Variants in HNF4G observed in about 807,000 individuals in gnomAD.
The protein encoded by HNF4G is hepatocyte nuclear factor 4-gamma.
Under a neutral mutation model 50.9 loss-of-function variants are expected in HNF4G, and 21 were observed. The observed-to-expected ratio is 0.41, with a 90% CI of 0.29 to 0.59. The LOEUF (loss-of-function observed/expected upper bound fraction) is 0.59. HNF4G is among the 20% of genes least tolerant of loss of function. The pLI is 0.26. For synonymous variants in HNF4G, 198 were observed against 185.6 expected (o/e 1.07, Z -0.54); for missense variants, 527 against 559.4 (o/e 0.94, Z 0.58).
chr8:75,467,673 A>G (rs1812018209), intron 1 of HNF4G, among the ~76,000 whole-genome samples: 1 of 151,962 alleles, frequency 6.6e-6, no homozygotes, highest in African/African-American at 2.4e-5. Context: ...AAAAAAAAAA[A>G]AAGGAATTTT....
intron 2 of HNF4G, among the ~76,000 whole-genome samples, chr8:75,518,881 C>T (rs934271477): frequency 6.6e-6 from 1 of 152,194 alleles, no homozygotes; most frequent in African/African-American, 2.4e-5. Context: ...ATTTCTGCAG[C>T]CGGCTTGAAT....
chr8:75,475,512 G>T (rs1812221814), intron 1 of HNF4G, among the ~76,000 whole-genome samples: 1 of 152,162 alleles, frequency 6.6e-6, no homozygotes, highest in Non-Finnish European at 1.5e-5. Flanking sequence ...TTATATTTAT[G>T]TATGTGTGTG....
At chr8:75,427,426 A>G (rs1011564159) in intron 1 of HNF4G, among the ~76,000 whole-genome samples, 3 of 151,938 alleles carry the variant, frequency 2.0e-5, no homozygotes, top group Non-Finnish European at 4.4e-5. Flanking sequence ...AAAAATACAA[A>G]AATTAGCCTA....
At chr8:75,465,055 G>C (rs576377094) in intron 1 of HNF4G, among the ~76,000 whole-genome samples, 1 of 152,270 alleles carries the variant, frequency 6.6e-6, no homozygotes, top group East Asian at 1.9e-4. Flanking sequence ...AGAGGGAGTA[G>C]TCATCTTGTT....
chr8:75,534,193 G>C (rs1376642550), intron 2 of HNF4G, among the ~76,000 whole-genome samples: 3 of 151,870 alleles, frequency 2.0e-5, no homozygotes, highest in Non-Finnish European at 4.4e-5. Context: ...TAGCAACAAT[G>C]ATAATACCCA....
chr8:75,477,683 C>A (rs1024826583), intron 1 of HNF4G, among the ~76,000 whole-genome samples: 2 of 151,858 alleles, frequency 1.3e-5, no homozygotes, highest in Non-Finnish European at 2.9e-5. Flanking sequence ...TTAAAAAGTT[C>A]TCTGCCGGGC....
chr8:75,506,421 CTCATTTTAT>C (rs1441776666), intron 2 of HNF4G, among the ~76,000 whole-genome samples: 1 of 151,872 alleles, frequency 6.6e-6, no homozygotes, highest in Non-Finnish European at 1.5e-5. Flanking sequence ...GAACTCTTCC[CTCATTTTAT>C]CCTTTTGAAT....
At chr8:75,457,979 A>G (rs2130598026) in intron 1 of HNF4G, among the ~76,000 whole-genome samples, 1 of 152,084 alleles carries the variant, frequency 6.6e-6, no homozygotes, top group East Asian at 1.9e-4. Flanking sequence ...TTTTATATAT[A>G]TTTAATTTTT....
At chr8:75,431,454 G>T (rs964332662) in intron 1 of HNF4G, among the ~76,000 whole-genome samples, 1 of 152,072 alleles carries the variant, frequency 6.6e-6, no homozygotes, top group African/African-American at 2.4e-5. Context: ...AGCAGAAAAA[G>T]ATAATATAGA....
intron 5 of HNF4G, among the ~76,000 whole-genome samples, chr8:75,553,637 T>C (rs1375718714): frequency 1.3e-5 from 2 of 152,036 alleles, no homozygotes; most frequent in African/African-American, 2.4e-5. Flanking sequence ...ACCACACAGG[T>C]TGTGGTGTTG....
intron 3 of HNF4G, among the ~76,000 whole-genome samples, chr8:75,550,312 T>TC (rs1806911812): frequency 2.0e-5 from 3 of 151,436 alleles, no homozygotes; most frequent in South Asian, 2.1e-4. Context: ...CTCTCTCTCT[T>TC]TTTTTTTAAT....
chr8:75,417,195 G>A (rs1243140588), intron 1 of HNF4G, among the ~76,000 whole-genome samples: 1 of 152,094 alleles, frequency 6.6e-6, no homozygotes, highest in Non-Finnish European at 1.5e-5. Context: ...TTATAGATGA[G>A]GGTCACCCAG....
chr8:75,516,450 C>T (rs1276512626), intron 2 of HNF4G, among the ~76,000 whole-genome samples: 1 of 151,620 alleles, frequency 6.6e-6, no homozygotes, highest in East Asian at 1.9e-4. Flanking sequence ...ATTTTTATTG[C>T]TTTATATTTT....
At chr8:75,448,616 GA>G (rs1811492071) in intron 1 of HNF4G, among the ~76,000 whole-genome samples, 1 of 151,530 alleles carries the variant, frequency 6.6e-6, no homozygotes, top group African/African-American at 2.4e-5. Context: ...GTATAAGGGG[GA>G]AACTGATAAG....
intron 3 of HNF4G, among the ~76,000 whole-genome samples, chr8:75,549,089 T>C (rs747012477): frequency 1.3e-5 from 2 of 152,214 alleles, no homozygotes; most frequent in Non-Finnish European, 2.9e-5. Context: ...CTATGTTTCC[T>C]TTATGAGTTT....
rs1011821238 is a variant in HNF4G at position 75,565,642 on chromosome 8, C to T, written c.*1546C>T. On this transcript the variant is annotated 3_prime_UTR_variant, in exon 10 of 10. Transcript: ENST00000396423. ...GAGAGGGAAAATTGGAAAAACTGGTCGAGTAATTATCAATAATTTTTTTTA... is the reference window on the plus strand; with the variant it reads ...GAGAGGGAAAATTGGAAAAACTGGTTGAGTAATTATCAATAATTTTTTTTA... The T allele has an allele frequency of 2.6e-5, 4 of 151,854 alleles. No individual in the cohort carries two copies. Among genetic ancestry groups the T allele is most frequent in the African/African-American group, 4.8e-5 (2 of 41,342 alleles). The allele number at this position is 151,854 out of a possible 1,614,324, so 9.4% of individuals were successfully genotyped here. A position where few individuals can be genotyped will look rare whatever the true frequency, so the allele number is the denominator to read the frequency against.
At chr8:75,423,188 A>G (rs1810812026) in intron 1 of HNF4G, among the ~76,000 whole-genome samples, 2 of 152,102 alleles carry the variant, frequency 1.3e-5, no homozygotes, top group South Asian at 2.1e-4. Context: ...CCATAATTTT[A>G]TACTTTTTTC....
At chr8:75,474,821 C>T (rs545992732) in intron 1 of HNF4G, among the ~76,000 whole-genome samples, 7 of 151,956 alleles carry the variant, frequency 4.6e-5, no homozygotes, top group African/African-American at 1.2e-4. Flanking sequence ...CCTTAGCCTC[C>T]GGAGTAGCTG....
intron 2 of HNF4G, among the ~76,000 whole-genome samples, chr8:75,507,992 T>C (rs1805639581): frequency 1.3e-5 from 2 of 150,722 alleles, no homozygotes; most frequent in African/African-American, 4.9e-5. Flanking sequence ...AATTTTCATA[T>C]AATGAACAGA....
Sources: gnomAD v4.1 joint callset for allele counts (sites outside exome capture counted in the v4.1 genomes callset) on GRCh38, gnomAD v4.1.1 for gene constraint, MANE v1.5 for transcripts, NCBI Gene and HGNC (gene_info 2026-07-23, HGNC 2026-07-21) for gene names.